Variants in USP13 observed in about 807,000 individuals in gnomAD.
USP13 encodes ubiquitin carboxyl-terminal hydrolase 13.
Under a neutral mutation model 107.8 loss-of-function variants are expected in USP13, and 68 were observed. The observed-to-expected ratio is 0.63, with a 90% CI of 0.52 to 0.77. The LOEUF (loss-of-function observed/expected upper bound fraction) is 0.77, where lower values mean the gene tolerates loss of function less well. USP13 is among the 30% of genes least tolerant of loss of function. USP13 has a pLI of 0.00. For missense variants in USP13, 945 were observed against 1,093.3 expected (o/e 0.86, Z 1.91); for synonymous variants, 377 against 389.5 (o/e 0.97, Z 0.38).
At chr3:179,733,379 C>G (rs1325028727) in intron 10 of USP13, among the ~76,000 whole-genome samples, 1 of 152,050 alleles carries the variant, frequency 6.6e-6, no homozygotes, top group Non-Finnish European at 1.5e-5. Flanking sequence ...TCCTTGTGGC[C>G]CTGGGGGTGT....
At chr3:179,661,122 A>G (rs1251692496) in intron 1 of USP13, among the ~76,000 whole-genome samples, 1 of 152,220 alleles carries the variant, frequency 6.6e-6, no homozygotes, top group Non-Finnish European at 1.5e-5. Flanking sequence ...AGAGAATGAG[A>G]GAGAGAAAGG....
In USP13 at chr3:179,764,183, C is replaced by G; in HGVS notation, c.2259+15C>G. On this transcript the variant is annotated intron_variant, in intron 18 of 20. Coordinates refer to ENST00000263966, the MANE Select transcript of USP13 (RefSeq NM_003940.3). Reference sequence around the variant, plus strand: ...TACGAGCAACGGTGAGCATGAGAGACTGTGTGTGTGTGTGTGTGTGTGTGT... The same window carrying G: ...TACGAGCAACGGTGAGCATGAGAGAGTGTGTGTGTGTGTGTGTGTGTGTGT... The G allele has an allele frequency of 1.4e-6, 2 of 1,447,186 alleles. No individual in the cohort carries two copies. Among genetic ancestry groups the G allele is most frequent in the Admixed American group, 2.2e-5 (1 of 45,400 alleles). The allele number at this position is 1,447,186 out of a possible 1,614,324, so 89.6% of individuals were successfully genotyped here.
At chr3:179,697,249 G>T (rs1248720407) in intron 3 of USP13, among the ~76,000 whole-genome samples, 3 of 152,210 alleles carry the variant, frequency 2.0e-5, no homozygotes, top group Admixed American at 2.0e-4. Context: ...ATAACCAGAA[G>T]GTTCTAATAA....
At chr3:179,769,981 A>G (rs1454665065) in intron 19 of USP13, among the ~76,000 whole-genome samples, 1 of 152,220 alleles carries the variant, frequency 6.6e-6, no homozygotes, top group Non-Finnish European at 1.5e-5. Context: ...ACTCTCCACA[A>G]ACACAGCAGG....
chr3:179,669,392 A>G (rs533465771), intron 1 of USP13, among the ~76,000 whole-genome samples: 17 of 152,176 alleles, frequency 1.1e-4, no homozygotes, highest in African/African-American at 3.1e-4. Flanking sequence ...CTCAGGAGGC[A>G]GAGGTGCAGT....
intron 1 of USP13, among the ~76,000 whole-genome samples, chr3:179,655,557 G>GTTT (rs1491045074): frequency 1.2e-5 from 1 of 80,688 alleles, no homozygotes; most frequent in African/African-American, 3.2e-5. Flanking sequence ...GGTTTTTTTT[G>GTTT]TTTTGTTTTG....
chr3:179,684,256 GCAGTATCA>G (rs1273197445), intron 2 of USP13, among the ~76,000 whole-genome samples: 2 of 132,902 alleles, frequency 1.5e-5, no homozygotes, highest in Non-Finnish European at 3.1e-5. Flanking sequence ...ACCACGCCTG[GCAGTATCA>G]CCCTTTACAC....
At chr3:179,671,236 TA>T (rs1393151200) in intron 1 of USP13, among the ~76,000 whole-genome samples, 1 of 152,000 alleles carries the variant, frequency 6.6e-6, no homozygotes, top group Non-Finnish European at 1.5e-5. Context: ...CTCTCAAAGA[TA>T]AAAAATTAAA....
intron 11 of USP13, among the ~76,000 whole-genome samples, chr3:179,741,285 G>A (rs1714189984): frequency 6.6e-6 from 1 of 152,046 alleles, no homozygotes; most frequent in African/African-American, 2.4e-5. Context: ...GCACGATCTT[G>A]GCCCACTGCA....
intron 14 of USP13, among the ~76,000 whole-genome samples, chr3:179,753,195 G>A (rs1714670591): frequency 6.6e-6 from 1 of 152,200 alleles, no homozygotes; most frequent in Admixed American, 6.5e-5. Flanking sequence ...GGTTAACTAA[G>A]CACTCGTCTG....
intron 18 of USP13, among the ~76,000 whole-genome samples, chr3:179,764,496 C>T (rs1715112020): frequency 6.6e-6 from 1 of 152,108 alleles, no homozygotes; most frequent in Non-Finnish European, 1.5e-5. Flanking sequence ...AAGAGGGATG[C>T]ATGAAATTCC....
At chr3:179,716,254 G>A (rs1025473273) in intron 6 of USP13, among the ~76,000 whole-genome samples, 3 of 152,118 alleles carry the variant, frequency 2.0e-5, no homozygotes, top group African/African-American at 7.2e-5. Context: ...GACTTGCTGA[G>A]GTACATCCTT....
chr3:179,779,029 G>C (rs1262870805), intron 19 of USP13, among the ~76,000 whole-genome samples: 1 of 152,108 alleles, frequency 6.6e-6, no homozygotes, highest in African/African-American at 2.4e-5. Flanking sequence ...AGGCTTGAAG[G>C]TATAACAGCT....
intron 5 of USP13, 50 bp downstream of exon 5, chr3:179,707,126 G>A: frequency 6.5e-7 from 1 of 1,538,192 alleles, no homozygotes; most frequent in Admixed American, 2.2e-5. Context: ...ACTGTCCAAA[G>A]GAATATTTGT....
At chr3:179,657,026 G>A (rs182166834) in intron 1 of USP13, among the ~76,000 whole-genome samples, 2 of 152,304 alleles carry the variant, frequency 1.3e-5, no homozygotes, top group African/African-American at 2.4e-5. Flanking sequence ...GGGGACAGTC[G>A]TGAAGGAGAG....
intron 6 of USP13, among the ~76,000 whole-genome samples, chr3:179,711,232 T>A (rs1712915284): frequency 6.6e-6 from 1 of 152,184 alleles, no homozygotes; most frequent in African/African-American, 2.4e-5. Context: ...TTTGTTTTGT[T>A]TTTTGAGACA....
intron 1 of USP13, among the ~76,000 whole-genome samples, chr3:179,664,607 G>A (rs1441790228): frequency 6.6e-6 from 1 of 152,164 alleles, no homozygotes; most frequent in African/African-American, 2.4e-5. Context: ...GGTCTGTTCA[G>A]TATTGTGGTG....
At chr3:179,751,299 A>G (rs1714601905) in intron 13 of USP13, among the ~76,000 whole-genome samples, 2 of 152,194 alleles carry the variant, frequency 1.3e-5, no homozygotes, top group Non-Finnish European at 2.9e-5. Context: ...GATACTGGTA[A>G]TGTGTATTAA....
chr3:179,775,064 T>G (rs142814375), intron 19 of USP13, among the ~76,000 whole-genome samples: 1 of 152,280 alleles, frequency 6.6e-6, no homozygotes, highest in Non-Finnish European at 1.5e-5. Flanking sequence ...TGCTGATTGG[T>G]GCATTTACAA....
Sources: allele counts gnomAD v4.1 joint callset (sites outside exome capture counted in the v4.1 genomes callset), GRCh38; gene constraint gnomAD v4.1.1; transcripts MANE v1.5; gene names NCBI Gene and HGNC (gene_info 2026-07-23, HGNC 2026-07-21).